NOL4L: variants seen among roughly 807,000 people sequenced by gnomAD.
The protein encoded by NOL4L is nucleolar protein 4 like.
In NOL4L, 7 loss-of-function variants were observed where a neutral mutation model predicts 64.5. The observed-to-expected ratio is 0.11, with a 90% CI of 0.06 to 0.20. The LOEUF (loss-of-function observed/expected upper bound fraction) is 0.20. NOL4L is among the 10% of genes least tolerant of loss of function. NOL4L has a pLI of 1.00. For missense variants in NOL4L, 680 were observed against 967.1 expected (o/e 0.70, Z 3.94); for synonymous variants, 413 against 401.0 (o/e 1.03, Z -0.36).
chr20:32,471,233 C>A (rs1600693918), intron 5 of NOL4L, among the ~76,000 whole-genome samples: 1 of 145,530 alleles, frequency 6.9e-6, no homozygotes, highest in Non-Finnish European at 1.5e-5. Flanking sequence ...CAGACACTCA[C>A]CCCGGTAGAG....
chr20:32,560,555 G>A (rs189880039), intron 1 of NOL4L, among the ~76,000 whole-genome samples: 33 of 152,312 alleles, frequency 2.2e-4, no homozygotes, highest in African/African-American at 7.9e-4. Flanking sequence ...TTTAATATGT[G>A]GCAGGCACTG....
intron 4 of NOL4L, among the ~76,000 whole-genome samples, chr20:32,496,510 C>T (rs1025023519): frequency 2.0e-5 from 3 of 151,964 alleles, no homozygotes; most frequent in African/African-American, 7.3e-5. Flanking sequence ...GTAGTAGGAA[C>T]CTCGGAAATG....
At chr20:32,565,981 G>A (rs146426828) in intron 1 of NOL4L, among the ~76,000 whole-genome samples, 3 of 152,166 alleles carry the variant, frequency 2.0e-5, no homozygotes, top group Non-Finnish European at 4.4e-5. Flanking sequence ...CCAGGTCAAG[G>A]CTGCAGTGAG....
intron 4 of NOL4L, among the ~76,000 whole-genome samples, chr20:32,498,722 C>T (rs1678280931): frequency 6.8e-6 from 1 of 146,492 alleles, no homozygotes; most frequent in African/African-American, 2.5e-5. Context: ...GTGATTGCAC[C>T]ACTGCACTCT....
At chr20:32,520,285 C>CA (rs11305733) in intron 3 of NOL4L, 18,847 of 129,358 alleles carry the variant, frequency 0.15, 1,721 homozygotes, top group African/African-American at 0.28. Flanking sequence ...GACTTTGTCT[C>CA]AAAAAAAAAA....
intron 4 of NOL4L, among the ~76,000 whole-genome samples, chr20:32,488,835 CTTTCTTTCT>C (rs1353191428): frequency 3.7e-5 from 2 of 54,002 alleles, no homozygotes; most frequent in Non-Finnish European, 6.3e-5. Flanking sequence ...CTTTTTCTTT[CTTTCTTTCT>C]TTCTTTCTTT....
chr20:32,513,669 C>T lies in NOL4L; in HGVS notation c.590-2213G>A, dbSNP rs540990211. On this transcript the variant is annotated intron_variant, in intron 3 of 10. Coordinates refer to ENST00000621426, the MANE Select transcript of NOL4L (RefSeq NM_001256798.2). ...CTTGACCCCAGGAGTTCAAGGCCAG[C>T]CTGGGAAACATAGTGAGTCCCTCGT... Among the ~76,000 whole-genome samples the T allele has an allele frequency of 2.9e-4, 44 of 152,160 alleles. 1 individual carries two copies. The East Asian group carries it at 8.1e-3, about 28-fold the overall frequency.
intron 1 of NOL4L, among the ~76,000 whole-genome samples, chr20:32,562,146 A>G (rs1486288754): frequency 6.6e-6 from 1 of 152,160 alleles, no homozygotes; most frequent in African/African-American, 2.4e-5. Flanking sequence ...GGAGGCAGGA[A>G]GTCCACAGTC....
At chr20:32,472,700 C>T (rs2145478882) in intron 5 of NOL4L, among the ~76,000 whole-genome samples, 1 of 152,304 alleles carries the variant, frequency 6.6e-6, no homozygotes, top group South Asian at 2.1e-4. Flanking sequence ...GCCAGGCCAG[C>T]TGCCTGGGCC....
intron 3 of NOL4L, among the ~76,000 whole-genome samples, chr20:32,517,174 G>A (rs566758111): frequency 4.6e-5 from 7 of 152,304 alleles, no homozygotes; most frequent in Non-Finnish European, 7.4e-5. Flanking sequence ...GGGAGAGACC[G>A]CTGAGCAAAG....
At chr20:32,511,095 T>C in intron 4 of NOL4L, 1 of 304,098 alleles carries the variant, frequency 3.3e-6, no homozygotes, top group South Asian at 6.3e-5. Flanking sequence ...CTCCCCCTCC[T>C]CCCACGAGCC....
intron 5 of NOL4L, among the ~76,000 whole-genome samples, chr20:32,472,621 C>A (rs1299606234): frequency 6.6e-6 from 1 of 152,238 alleles, no homozygotes; most frequent in African/African-American, 2.4e-5. Flanking sequence ...TGGCCCAGGA[C>A]TCTAGGCTGG....
At chr20:32,577,229 A>C (rs571342373) in intron 1 of NOL4L, among the ~76,000 whole-genome samples, 2 of 152,290 alleles carry the variant, frequency 1.3e-5, no homozygotes, top group South Asian at 4.1e-4. Flanking sequence ...TGTTCTCCTC[A>C]CAAATCCAGA....
chr20:32,503,688 G>A (rs532744729), intron 4 of NOL4L, among the ~76,000 whole-genome samples: 4 of 152,254 alleles, frequency 2.6e-5, no homozygotes, highest in East Asian at 1.9e-4. Flanking sequence ...GAGTGGAGAC[G>A]GCAAAGATAT....
At position 32,464,189 on chromosome 20, in the gene NOL4L, C is replaced by A. The variant is rs959478118; in HGVS notation, c.842-7794G>T. Reference sequence around the variant, plus strand: ...GCTCTGAATTTGAGGCGTGCACCTCCCCAGGACTGGCCCCCTGCCTGCTTT... The same window carrying A: ...GCTCTGAATTTGAGGCGTGCACCTCACCAGGACTGGCCCCCTGCCTGCTTT... On this transcript the variant is annotated intron_variant, in intron 5 of 10. Transcript: ENST00000621426. This position sits in a 1 kb window ranked among gnomAD's most constrained non-coding sequence, Gnocchi z 5.6. Among the ~76,000 whole-genome samples, 7 of 152,182 alleles carry A rather than the reference C, an allele frequency of 4.6e-5. No homozygotes were observed. Among genetic ancestry groups the A allele is most frequent in the Middle Eastern group, 3.2e-3 (1 of 316 alleles).
Position 32,584,814 on chromosome 20 carries a change from T to C in NOL4L, c.77A>G (p.Gln26Arg), listed in dbSNP as rs951316122. 13 of 1,527,660 alleles carry C rather than the reference T, an allele frequency of 8.5e-6. No homozygotes were observed. Among genetic ancestry groups the C allele is most frequent in the Non-Finnish European group, 9.6e-6 (11 of 1,141,226 alleles). 94.6% of individuals were successfully genotyped at this position (1,527,660 alleles called of 1,614,324 possible). ...RSPGDSELGR[Q>R]FRDWCLRTYG... Reference sequence around the variant, plus strand: ...GGTGCGCAAGCACCAGTCCCGGAACTGGCGGCCCAGCTCCGAGTCCCCGGG... The same window carrying C: ...GGTGCGCAAGCACCAGTCCCGGAACCGGCGGCCCAGCTCCGAGTCCCCGGG... Residue 26 changes from glutamine to arginine, a missense_variant, in exon 1 of 11, where the codon CAG becomes CGG. This residue lies in a region of NOL4L where 181 missense variants were observed against 335.2 expected (regional missense o/e 0.54). Transcript: ENST00000621426.
intron 1 of NOL4L, among the ~76,000 whole-genome samples, chr20:32,584,075 C>G (rs1341776577): frequency 7.0e-6 from 1 of 143,502 alleles, no homozygotes; most frequent in African/African-American, 2.5e-5. Flanking sequence ...CTCCCCGTCC[C>G]GCGGCTGCCC....
intron 4 of NOL4L, chr20:32,509,754 A>C: frequency 7.8e-7 from 1 of 1,276,874 alleles, no homozygotes; most frequent in East Asian, 5.7e-5. Context: ...AGAGATCGCA[A>C]CTTGCACGAC....
intron 1 of NOL4L, among the ~76,000 whole-genome samples, chr20:32,560,720 G>C (rs890246154): frequency 1.6e-4 from 25 of 152,224 alleles, no homozygotes; most frequent in African/African-American, 6.0e-4. Context: ...GGTGGAGTGG[G>C]TTTCAACCCA....
Sources: gnomAD v4.1 joint callset for allele counts (sites outside exome capture counted in the v4.1 genomes callset) on GRCh38, gnomAD v4.1.1 for gene constraint, gnomAD v4.1.1 regional missense constraint, Gnocchi (gnomAD v3.1) non-coding constraint, MANE v1.5 for transcripts, NCBI Gene and HGNC (gene_info 2026-07-23, HGNC 2026-07-21) for gene names.